The following TF variants were observed in gnomAD, a reference collection of about 807,000 sequenced individuals.
TF encodes the protein transferrin.
A neutral mutation model predicts 82.4 loss-of-function variants in TF; 55 were observed. The ratio of observed to expected loss-of-function variants is 0.67; its 90% CI spans 0.54 to 0.84. TF has a LOEUF of 0.84. Ranked by LOEUF, TF falls within the 40% of genes least tolerant of loss-of-function variation. The probability of loss-of-function intolerance (pLI) is 0.00; values close to 1 mark genes in which losing one functional copy is unlikely to be tolerated. For missense variants in TF, 737 were observed against 868.4 expected (o/e 0.85, Z 1.90); for synonymous variants, 332 against 332.6 (o/e 1.00, Z 0.02).
At chr3:133,705,510 G>T in the TF span, among the ~76,000 whole-genome samples, 48 of 152,154 alleles carry the variant, frequency 3.2e-4, no homozygotes, top group Admixed American at 3.1e-3. Flanking sequence ...CACTTTCTTT[G>T]CCTGCATCTG....
At chr3:133,751,474 G>A (rs1281264763) in intron 2 of TF, among the ~76,000 whole-genome samples, 3 of 151,920 alleles carry the variant, frequency 2.0e-5, no homozygotes, top group Non-Finnish European at 4.4e-5. Context: ...CTCGTGATCC[G>A]CCCGTCTCGG....
rs901442883 is a variant in TF, at chr3:133,786,903, A to G, written c.*8283A>G. 1 of 152,278 alleles carries G rather than the reference A, an allele frequency of 6.6e-6. No individual in the cohort carries two copies. The highest frequency in any genetic ancestry group is 1.5e-5 in the Non-Finnish European group (1 of 68,048). The allele number at this position is 152,278 out of a possible 1,614,324, so 9.4% of individuals were successfully genotyped here. A position where few individuals can be genotyped will look rare whatever the true frequency, so the allele number is the denominator to read the frequency against. On this transcript the variant is annotated 3_prime_UTR_variant, in exon 17 of 17. Transcript: ENST00000402696. ...ATGTTAAGTGTAGAGGTAGTAAAAT[A>G]TCACCTTGTAAATATCTTTTTGCTA...
chr3:133,757,772 C>A lies in TF; in HGVS notation c.874C>A (p.His292Asn), dbSNP rs1299256395. Residue 292 changes from histidine to asparagine, a missense_variant, in exon 8 of 17, where the codon CAT becomes AAT. Transcript: ENST00000402696. Reference sequence around the variant, plus strand: ...TATTCTGTTTTTCTATGAACAGGAACATTTTGGCAAAGACAAATCAAAAGA... The same window carrying A: ...TATTCTGTTTTTCTATGAACAGGAAAATTTTGGCAAAGACAAATCAAAAGA... ...IWELLNQAQE[H>N]FGKDKSKEFQ... 6.2e-7 allele frequency: 1 copy of A among 1,613,912 alleles called. No individual in the cohort carries two copies. The highest frequency in any genetic ancestry group is 1.3e-5 in the African/African-American group (1 of 74,936).
intron 1 of TF, 129 bp downstream of exon 1, chr3:133,746,612 C>T (rs1217659103): frequency 1.9e-6 from 2 of 1,053,302 alleles, no homozygotes; most frequent in Non-Finnish European, 2.8e-6. Context: ...GGTGCCTTTC[C>T]ATTGCCTCTC....
At chr3:133,697,899 A>G in the TF span, among the ~76,000 whole-genome samples, 125 of 152,332 alleles carry the variant, frequency 8.2e-4, no homozygotes, top group African/African-American at 2.9e-3. Context: ...GCAGGAGAAT[A>G]GGGATATAGG....
intron 7 of TF, among the ~76,000 whole-genome samples, 184 bp from the exon 8 acceptor site, chr3:133,757,585 G>A (rs1421771472): frequency 3.3e-5 from 5 of 152,204 alleles, no homozygotes; most frequent in Non-Finnish European, 5.9e-5. Flanking sequence ...GGCAAATCGC[G>A]GACCCACGAG....
the TF span, among the ~76,000 whole-genome samples, chr3:133,738,194 A>C: frequency 6.6e-6 from 1 of 152,252 alleles, no homozygotes; most frequent in Non-Finnish European, 1.5e-5. Flanking sequence ...TCACATAAAC[A>C]GAACCAATGA....
the TF span, among the ~76,000 whole-genome samples, chr3:133,711,456 C>T: frequency 7.9e-5 from 12 of 152,176 alleles, no homozygotes; most frequent in African/African-American, 2.4e-4. Context: ...CCATCCCTGC[C>T]GAGCCTGGTC....
the TF span, among the ~76,000 whole-genome samples, chr3:133,684,925 C>G: frequency 1.3e-5 from 2 of 152,176 alleles, no homozygotes; most frequent in Non-Finnish European, 2.9e-5. Flanking sequence ...AGACCAATAT[C>G]CCTGATGAAC....
chr3:133,695,134 G>A, the TF span, among the ~76,000 whole-genome samples: 1 of 152,086 alleles, frequency 6.6e-6, no homozygotes, highest in Non-Finnish European at 1.5e-5. Flanking sequence ...AGTCCGGGCT[G>A]ACCCTCAGAG....
chr3:133,673,957 C>T, the TF span, among the ~76,000 whole-genome samples: 36 of 152,186 alleles, frequency 2.4e-4, no homozygotes, highest in Non-Finnish European at 4.4e-4. Flanking sequence ...CAGCGCTTCA[C>T]CTGACCTTGG....
At position 133,794,254 on chromosome 3, in the gene TF, T is replaced by C. The variant is rs1934912636; in HGVS notation, c.*15634T>C. The C allele has an allele frequency of 6.6e-6, 1 of 152,188 alleles. No homozygotes were observed. The highest frequency in any genetic ancestry group is 2.4e-5 in the African/African-American group (1 of 41,448). 9.4% of individuals were successfully genotyped at this position (152,188 alleles called of 1,614,324 possible). On this transcript the variant is annotated 3_prime_UTR_variant, in exon 17 of 17. Transcript: ENST00000402696. ...CACGGAAAAGATAAAATGATCCAAA[T>C]TGAATATATTGATGTGGTGACTTAT...
At chr3:133,725,055 G>A in the TF span, among the ~76,000 whole-genome samples, 2 of 152,290 alleles carry the variant, frequency 1.3e-5, no homozygotes, top group Admixed American at 6.5e-5. Flanking sequence ...TTTGGTTACT[G>A]TAGCCTTGTA....
rs560158048 is a variant in TF, at chr3:133,793,516, C to T, written c.*14896C>T. 1.2e-4 allele frequency: 19 copies of T among 152,172 alleles called. No individual in the cohort carries two copies. In the South Asian group the frequency reaches 3.1e-3, roughly 25 times the overall value. The allele number at this position is 152,172 out of a possible 1,614,324, so 9.4% of individuals were successfully genotyped here. On this transcript the variant is annotated 3_prime_UTR_variant, in exon 17 of 17. Transcript: ENST00000402696. ...GTCAAAAAGAAAAAAATTTAATCTTCTTCAGGTTATATTTTAGTGAATAAT... is the reference window on the plus strand; with the variant it reads ...GTCAAAAAGAAAAAAATTTAATCTTTTTCAGGTTATATTTTAGTGAATAAT...
chr3:133,708,243 C>T, the TF span, among the ~76,000 whole-genome samples: 5 of 152,026 alleles, frequency 3.3e-5, no homozygotes, highest in African/African-American at 1.2e-4. Context: ...GTAGCCATAT[C>T]TATCACTACT....
At chr3:133,725,955 A>G in the TF span, among the ~76,000 whole-genome samples, 1 of 152,222 alleles carries the variant, frequency 6.6e-6, no homozygotes, top group African/African-American at 2.4e-5. Context: ...ATGCTGGATT[A>G]CATTTATCAA....
chr3:133,703,973 C>A, the TF span, among the ~76,000 whole-genome samples: 1 of 152,070 alleles, frequency 6.6e-6, no homozygotes, highest in East Asian at 1.9e-4. Flanking sequence ...ATATCCAGGA[C>A]GCAGCATGGG....
the TF span, among the ~76,000 whole-genome samples, chr3:133,670,212 C>T: frequency 2.0e-5 from 3 of 152,350 alleles, no homozygotes; most frequent in Admixed American, 6.5e-5. Context: ...CTGTGCTTCA[C>T]TGTCTCTCTG....
chr3:133,683,536 A>AC, the TF span, among the ~76,000 whole-genome samples: 2 of 151,970 alleles, frequency 1.3e-5, no homozygotes, highest in African/African-American at 2.4e-5. Context: ...ACAAAAAAAA[A>AC]GCAGTGGTTG....
Sources: allele counts gnomAD v4.1 joint callset (sites outside exome capture counted in the v4.1 genomes callset), GRCh38; gene constraint gnomAD v4.1.1; transcripts MANE v1.5; gene names NCBI Gene and HGNC (gene_info 2026-07-23, HGNC 2026-07-21).